Variants in FRMPD4 observed in about 807,000 individuals in gnomAD.
FRMPD4 encodes the protein FERM and PDZ domain containing 4.
A neutral mutation model predicts 94.1 loss-of-function variants in FRMPD4; 22 were observed. The ratio of observed to expected loss-of-function variants is 0.23; its 90% confidence interval spans 0.17 to 0.33. The LOEUF (loss-of-function observed/expected upper bound fraction) is 0.33, where lower values mean the gene tolerates loss of function less well. FRMPD4 is among the 10% of genes least tolerant of loss of function. The probability of loss-of-function intolerance (pLI) is 1.00; values close to 1 mark genes in which losing one functional copy is unlikely to be tolerated. For synonymous variants in FRMPD4, 631 were observed against 548.6 expected (o/e 1.15, Z -2.10); for missense variants, 1,111 against 1,339.9 (o/e 0.83, Z 2.67).
At chrX:11,827,649 T>C (rs2053452231) in intron 1 of FRMPD4, among the ~76,000 whole-genome samples, 1 of 111,816 alleles carries the variant, frequency 8.9e-6, no homozygotes, top group African/African-American at 3.2e-5. Flanking sequence ...AATGCCCTGG[T>C]GCTTACCCTG....
intron 1 of FRMPD4, among the ~76,000 whole-genome samples, chrX:12,233,232 A>G (rs945640976): frequency 3.6e-5 from 4 of 112,067 alleles, no homozygotes; most frequent in Admixed American, 2.8e-4. Context: ...TCAAAATAGT[A>G]TATTTGTAAG....
chrX:12,576,329 C>T (rs1387884213), intron 2 of FRMPD4, among the ~76,000 whole-genome samples: 3 of 112,806 alleles, frequency 2.7e-5, no homozygotes, highest in Non-Finnish European at 5.6e-5. Context: ...TTAATCCAGA[C>T]TTGTAATTGA....
intron 3 of FRMPD4, among the ~76,000 whole-genome samples, chrX:12,053,418 GA>G (rs1224212545): frequency 1.1e-3 from 99 of 89,760 alleles, no homozygotes; most frequent in East Asian, 1.9e-3. Flanking sequence ...AAGAAAGAAA[GA>G]AAGAAAGAAA....
At chrX:11,903,839 G>T (rs953966152) in intron 3 of FRMPD4, among the ~76,000 whole-genome samples, 2 of 111,925 alleles carry the variant, frequency 1.8e-5, no homozygotes, top group Non-Finnish European at 3.8e-5. Flanking sequence ...GAGTGCAGTA[G>T]CGTGATCATG....
At chrX:12,253,511 T>C (rs766444426) in intron 1 of FRMPD4, among the ~76,000 whole-genome samples, 1 of 112,339 alleles carries the variant, frequency 8.9e-6, no homozygotes, top group East Asian at 2.8e-4. Context: ...AAGTCAAATA[T>C]ACCACAGCTA....
At chrX:12,270,001 GT>G (rs2054331097) in intron 1 of FRMPD4, among the ~76,000 whole-genome samples, 1 of 111,940 alleles carries the variant, frequency 8.9e-6, no homozygotes, top group Non-Finnish European at 1.9e-5. Context: ...CTTGAATCTG[GT>G]GATATTTAAT....
chrX:12,635,111 G>A (rs2148453039), intron 4 of FRMPD4, among the ~76,000 whole-genome samples: 1 of 111,934 alleles, frequency 8.9e-6, no homozygotes, highest in South Asian at 3.7e-4. Flanking sequence ...TGGGATTACA[G>A]GCGTGAGCCA....
intron 3 of FRMPD4, among the ~76,000 whole-genome samples, chrX:11,965,994 G>GTATT (rs2054307671): frequency 9.0e-6 from 1 of 111,639 alleles, no homozygotes; most frequent in Non-Finnish European, 1.9e-5. Flanking sequence ...CAATCAGGGA[G>GTATT]TATTTGTTAA....
intron 1 of FRMPD4, among the ~76,000 whole-genome samples, chrX:12,437,724 G>C (rs1045416426): frequency 3.2e-4 from 36 of 111,810 alleles, no homozygotes; most frequent in African/African-American, 1.0e-3. Context: ...ATCTGCCTTC[G>C]TCTCTTTTCC....
chrX:12,286,765 A>C (rs950571724), intron 1 of FRMPD4, among the ~76,000 whole-genome samples: 1 of 111,716 alleles, frequency 9.0e-6, no homozygotes, highest in African/African-American at 3.3e-5. Context: ...GTGGGGATTT[A>C]AGAAAGTCAA....
At chrX:12,598,059 T>TAAATA (rs3066499) in intron 2 of FRMPD4, among the ~76,000 whole-genome samples, 3,458 of 111,944 alleles carry the variant, frequency 0.031, 138 homozygotes, top group African/African-American at 0.11. Context: ...GGTGTATATA[T>TAAATA]TAGTTGGTAT....
At chrX:12,708,697 G>C (rs2041926746) in intron 13 of FRMPD4, among the ~76,000 whole-genome samples, 1 of 111,755 alleles carries the variant, frequency 8.9e-6, no homozygotes, top group African/African-American at 3.3e-5. Flanking sequence ...AGCCTGGAGG[G>C]TGCTCTGAAA....
intron 1 of FRMPD4, among the ~76,000 whole-genome samples, chrX:12,390,485 A>T (rs1432034210): frequency 2.7e-5 from 3 of 111,724 alleles, no homozygotes; most frequent in Non-Finnish European, 3.8e-5. Flanking sequence ...AGAATGCCTG[A>T]TGTACTTAGA....
intron 2 of FRMPD4, among the ~76,000 whole-genome samples, chrX:12,584,212 A>G (rs996824726): frequency 8.9e-6 from 1 of 112,192 alleles, no homozygotes; most frequent in African/African-American, 3.2e-5. Flanking sequence ...GCTCGTCTCT[A>G]AATAAATTTG....
At chrX:11,967,636 T>C (rs1320988800) in intron 3 of FRMPD4, among the ~76,000 whole-genome samples, 2 of 111,147 alleles carry the variant, frequency 1.8e-5, no homozygotes, top group Non-Finnish European at 3.8e-5. Flanking sequence ...CTGGTCTTAC[T>C]CGTGAATGGA....
At chrX:12,545,810 G>A (rs138471939) in intron 2 of FRMPD4, among the ~76,000 whole-genome samples, 2,142 of 112,998 alleles carry the variant, frequency 0.019, 46 homozygotes, top group African/African-American at 0.066. Flanking sequence ...CCAACTCTTT[G>A]TTAAAATATT....
intron 3 of FRMPD4, among the ~76,000 whole-genome samples, chrX:12,031,523 AC>A (rs1316316774): frequency 8.1e-5 from 9 of 111,664 alleles, no homozygotes; most frequent in African/African-American, 2.9e-4. Flanking sequence ...GTGATTCTCA[AC>A]CAGGGATGAA....
chrX:12,416,762 T>C (rs970807099), intron 1 of FRMPD4, among the ~76,000 whole-genome samples: 1 of 112,011 alleles, frequency 8.9e-6, no homozygotes, highest in Non-Finnish European at 1.9e-5. Flanking sequence ...TGAAGGTATC[T>C]AGCATGTTAA....
chrX:12,178,358 T>G (rs1321649355), intron 1 of FRMPD4, among the ~76,000 whole-genome samples: 1 of 112,068 alleles, frequency 8.9e-6, no homozygotes, highest in Non-Finnish European at 1.9e-5. Context: ...TGAGTGATTT[T>G]TTAAAAAATT....
Sources: gnomAD v4.1 joint callset for allele counts (sites outside exome capture counted in the v4.1 genomes callset) on GRCh38, gnomAD v4.1.1 for gene constraint, MANE v1.5 for transcripts, NCBI Gene and HGNC (gene_info 2026-07-23, HGNC 2026-07-21) for gene names.